KCNMB4: variants seen among roughly 807,000 people sequenced by gnomAD.
KCNMB4 encodes the protein potassium calcium-activated channel subfamily M regulatory beta subunit 4, also known as calcium-activated potassium channel subunit beta-4.
Under a neutral mutation model 20.7 loss-of-function variants are expected in KCNMB4, and 3 were observed. The observed-to-expected ratio is 0.14, with a 90% CI of 0.07 to 0.37. The LOEUF is 0.37. KCNMB4 is among the 10% of genes least tolerant of loss of function. The probability of loss-of-function intolerance (pLI) is 1.00; values close to 1 mark genes in which losing one functional copy is unlikely to be tolerated. For missense variants in KCNMB4, 168 were observed against 265.9 expected (o/e 0.63, Z 2.56); for synonymous variants, 110 against 113.4 (o/e 0.97, Z 0.19).
At chr12:70,428,884 G>T (rs1336473349) in intron 2 of KCNMB4, among the ~76,000 whole-genome samples, 3 of 152,206 alleles carry the variant, frequency 2.0e-5, no homozygotes, top group Non-Finnish European at 4.4e-5. Flanking sequence ...AAGCTGGGAT[G>T]ATTGTTGCCT....
chr12:70,401,888 G>A (rs955603242), intron 2 of KCNMB4, among the ~76,000 whole-genome samples: 2 of 152,102 alleles, frequency 1.3e-5, no homozygotes, highest in Admixed American at 1.3e-4. Flanking sequence ...TCTGGAATTT[G>A]AATAATATCA....
At chr12:70,389,319 G>C (rs939497728) in intron 1 of KCNMB4, among the ~76,000 whole-genome samples, 3 of 151,966 alleles carry the variant, frequency 2.0e-5, no homozygotes, top group African/African-American at 7.3e-5. Context: ...CTGCAGAATT[G>C]TAAAACCCAT....
chr12:70,424,083 C>G (rs1869142763), intron 2 of KCNMB4, among the ~76,000 whole-genome samples: 1 of 152,080 alleles, frequency 6.6e-6, no homozygotes, highest in Non-Finnish European at 1.5e-5. Context: ...AGAAAAGTTT[C>G]CTATGGGAAG....
At chr12:70,409,556 G>A (rs1195854788) in intron 2 of KCNMB4, among the ~76,000 whole-genome samples, 3 of 152,094 alleles carry the variant, frequency 2.0e-5, no homozygotes, top group Non-Finnish European at 2.9e-5. Flanking sequence ...TAGCAGACAC[G>A]GTCCTTGCCT....
intron 1 of KCNMB4, among the ~76,000 whole-genome samples, chr12:70,392,494 A>G (rs1274500750): frequency 2.0e-5 from 3 of 152,240 alleles, no homozygotes; most frequent in Non-Finnish European, 4.4e-5. Context: ...GTGTATACCC[A>G]AAGGATTATA....
chr12:70,366,547 G>A lies in KCNMB4; in HGVS notation c.-188G>A. On this transcript the variant is annotated 5_prime_UTR_variant, in exon 1 of 3. Coordinates refer to ENST00000258111, the MANE Select transcript of KCNMB4 (RefSeq NM_014505.6). ...TGGGGGGCTGGGGGGCGCTGCCGCC[G>A]CCGCCGCCGGGGGCGTCGCTGGCCT... 1 of 174,166 alleles carries A rather than the reference G, an allele frequency of 5.7e-6. No homozygotes were observed. The highest frequency in any genetic ancestry group is 1.1e-5 in the Non-Finnish European group (1 of 88,756). The allele number at this position is 174,166 out of a possible 1,614,324, so 10.8% of individuals were successfully genotyped here. A position where few individuals can be genotyped will look rare whatever the true frequency, so the allele number is the denominator to read the frequency against.
At chr12:70,388,333 G>T (rs1391310019) in intron 1 of KCNMB4, among the ~76,000 whole-genome samples, 2 of 151,982 alleles carry the variant, frequency 1.3e-5, no homozygotes, top group Non-Finnish European at 1.5e-5. Context: ...TTTCTTTTGG[G>T]TATATACCCA....
intron 2 of KCNMB4, among the ~76,000 whole-genome samples, chr12:70,409,589 T>C (rs1357504261): frequency 2.6e-5 from 4 of 152,166 alleles, no homozygotes; most frequent in African/African-American, 9.7e-5. Flanking sequence ...TAGTCTGTAG[T>C]CACAACAGTA....
intron 1 of KCNMB4, among the ~76,000 whole-genome samples, chr12:70,398,186 A>C (rs1008191443): frequency 2.6e-5 from 4 of 151,970 alleles, no homozygotes; most frequent in Admixed American, 1.3e-4. Context: ...CCATCTCCCC[A>C]GTGGGCAGGA....
chr12:70,430,554 G>A lies in KCNMB4; in HGVS notation c.534G>A (p.Leu178=), dbSNP rs777170484. 1 of 1,613,980 alleles carries A rather than the reference G, an allele frequency of 6.2e-7. No individual in the cohort carries two copies. The highest frequency in any genetic ancestry group is 1.1e-5 in the South Asian group (1 of 91,006). Residue 178 remains leucine (L), a synonymous_variant, in exon 3 of 3, where the codon CTG becomes CTA. Coordinates refer to ENST00000258111, the MANE Select transcript of KCNMB4 (RefSeq NM_014505.6). ...IVLLHCFLWP[L]VTFVVGVLIV... ...TCCTGCATTGCTTCCTCTGGCCCCT[G>A]GTGACATTTGTGGTGGGCGTTCTCA...
rs1868282263 is a variant in KCNMB4 at position 70,389,409 on chromosome 12, C to T, written c.337-10800C>T. ...TTTCTCTCATTCTTTTTAAAAATTT[C>T]TTAGCCAGGCATGGTGGCTCACGCC... On this transcript the variant is annotated intron_variant, in intron 1 of 2. Transcript: ENST00000258111. Among the ~76,000 whole-genome samples the T allele has an allele frequency of 2.6e-5, 4 of 152,096 alleles. No homozygotes were observed. In the South Asian group the frequency reaches 6.2e-4, roughly 24 times the overall value.
chr12:70,419,893 C>G (rs7134646), intron 2 of KCNMB4, among the ~76,000 whole-genome samples: 66,870 of 151,678 alleles, frequency 0.44, 14,835 homozygotes, highest in East Asian at 0.54. Context: ...TGGAGATCTA[C>G]CTAGGCAAAG....
At chr12:70,412,013 G>T (rs1868792692) in intron 2 of KCNMB4, among the ~76,000 whole-genome samples, 2 of 152,176 alleles carry the variant, frequency 1.3e-5, no homozygotes. Flanking sequence ...ACAAGGGATG[G>T]TAGGAGCTTG....
At chr12:70,393,356 C>T (rs1868317510) in intron 1 of KCNMB4, among the ~76,000 whole-genome samples, 1 of 152,120 alleles carries the variant, frequency 6.6e-6, no homozygotes, top group African/African-American at 2.4e-5. Flanking sequence ...GCTCCTGCCA[C>T]CATGCCTAGC....
intron 2 of KCNMB4, among the ~76,000 whole-genome samples, chr12:70,407,432 G>A (rs757534299): frequency 2.0e-4 from 30 of 150,424 alleles, no homozygotes; most frequent in Non-Finnish European, 3.7e-4. Context: ...TGCCTGGAGA[G>A]GTGGCTAGAG....
rs1593348008 is a variant in KCNMB4, at chr12:70,422,632, T to A, written c.465-7853T>A. The A allele has an allele frequency of 9.4e-6, 11 of 1,168,338 alleles. No individual in the cohort carries two copies. In the East Asian group the frequency reaches 5.7e-4, roughly 61 times the overall value. The allele number at this position is 1,168,338 out of a possible 1,614,324, so 72.4% of individuals were successfully genotyped here. ...TAAAGCCTTTTTGTGCCAAGCTGACTTTAGAATAAAATTCATTCGTTGATT... is the reference window on the plus strand; with the variant it reads ...TAAAGCCTTTTTGTGCCAAGCTGACATTAGAATAAAATTCATTCGTTGATT... On this transcript the variant is annotated intron_variant, in intron 2 of 2. Transcript: ENST00000258111.
At chr12:70,384,576 A>G (rs540986085) in intron 1 of KCNMB4, among the ~76,000 whole-genome samples, 9 of 152,308 alleles carry the variant, frequency 5.9e-5, no homozygotes, top group African/African-American at 2.2e-4. Context: ...ACATTTGAGA[A>G]GCTACCTGGT....
intron 2 of KCNMB4, 31 bp from the exon 3 acceptor site, chr12:70,430,454 C>A: frequency 6.2e-7 from 1 of 1,609,908 alleles, no homozygotes. Flanking sequence ...ATTTGACTGC[C>A]CTTTCTTTCT....
rs138977196 is a variant in KCNMB4, at chr12:70,412,953, A to G, written c.464+12617A>G. 1.1e-3 allele frequency among the ~76,000 whole-genome samples: 174 copies of G among 152,322 alleles called. 1 individual carries two copies. The highest frequency in any genetic ancestry group is 4.0e-3 in the African/African-American group (166 of 41,578). On this transcript the variant is annotated intron_variant, in intron 2 of 2. Coordinates refer to ENST00000258111, the MANE Select transcript of KCNMB4 (RefSeq NM_014505.6). ...TTTTCTTTAGACATTAAACCCAATG[A>G]TATATCCTGTATCTTAAAAAACAAA...
Sources: gnomAD v4.1 joint callset for allele counts (sites outside exome capture counted in the v4.1 genomes callset) on GRCh38, gnomAD v4.1.1 for gene constraint, MANE v1.5 for transcripts, NCBI Gene and HGNC (gene_info 2026-07-23, HGNC 2026-07-21) for gene names.